The following TBC1D16 variants were observed in gnomAD, a reference collection of about 807,000 sequenced individuals.
TBC1D16 encodes TBC1 domain family member 16.
Under a neutral mutation model 74.7 loss-of-function variants are expected in TBC1D16, and 58 were observed. The ratio of observed to expected loss-of-function variants is 0.78; its 90% CI spans 0.63 to 0.97. The LOEUF is 0.97. TBC1D16 is among the 50% of genes least tolerant of loss of function. The pLI is 0.00. For missense variants in TBC1D16, 1,014 were observed against 1,079.5 expected, an observed-to-expected ratio of 0.94 and a Z score of 0.85; for synonymous variants, 493 against 474.7, an observed-to-expected ratio of 1.04 and a Z score of -0.50.
intron 8 of TBC1D16, among the ~76,000 whole-genome samples, chr17:79,948,308 G>A (rs954443563): frequency 1.2e-3 from 72 of 62,080 alleles, no homozygotes; most frequent in Non-Finnish European, 9.7e-4. Context: ...GCGAGACTCC[G>A]TCTCAAAAAA....
rs373453538 is a variant in TBC1D16 at position 79,972,322 on chromosome 17, G to A, written c.780-19504C>T. 3.9e-4 allele frequency among the ~76,000 whole-genome samples: 59 copies of A among 152,214 alleles called. 1 individual carries two copies. The East Asian group carries it at 8.7e-3, about 22-fold the overall frequency. Reference sequence around the variant, plus strand: ...CTCCTGAGTAGCTGGGATCACAGGCGTGTACTACCACACCTGGCTAATTTT... The same window carrying A: ...CTCCTGAGTAGCTGGGATCACAGGCATGTACTACCACACCTGGCTAATTTT... On this transcript the variant is annotated intron_variant, in intron 3 of 11. Coordinates refer to ENST00000310924, the MANE Select transcript of TBC1D16 (RefSeq NM_019020.4).
Position 79,995,581 on chromosome 17 carries a change from C to T in TBC1D16, c.779+14579G>A, listed in dbSNP as rs1446211305. 6.2e-5 allele frequency among the ~76,000 whole-genome samples: 9 copies of T among 145,294 alleles called. No individual in the cohort carries two copies. The East Asian group carries it at 8.3e-4, about 13-fold the overall frequency. On this transcript the variant is annotated intron_variant, in intron 3 of 11. Transcript: ENST00000310924. ...TGGGCAGATCACGAGGTCAGGAGAT[C>T]AAGATCATCCTGGCTAACACAGTGA...
In TBC1D16 at chr17:80,004,469, G is replaced by A. The variant is rs563995798; in HGVS notation, c.779+5691C>T. On this transcript the variant is annotated intron_variant, in intron 3 of 11. Coordinates refer to ENST00000310924, the MANE Select transcript of TBC1D16 (RefSeq NM_019020.4). ...CACAGACCTTCTGGGAAGTCAGATG[G>A]TGCCTCCTCCTCATATAAAAAAAAG... Among the ~76,000 whole-genome samples, 49 of 152,284 alleles carry A rather than the reference G, an allele frequency of 3.2e-4. No homozygotes were observed. The South Asian group carries it at 9.1e-3, about 28-fold the overall frequency.
intron 3 of TBC1D16, among the ~76,000 whole-genome samples, chr17:79,984,617 G>GGGGGAAGGAAGGA: frequency 1.1e-5 from 1 of 92,188 alleles, no homozygotes; most frequent in Admixed American, 1.1e-4. Flanking sequence ...GGGAGGGAGG[G>GGGGGAAGGAAGGA]AGTGAAGGAA....
intron 3 of TBC1D16, among the ~76,000 whole-genome samples, chr17:79,976,480 C>T (rs879261615): frequency 1.3e-5 from 2 of 152,230 alleles, no homozygotes; most frequent in African/African-American, 4.8e-5. Flanking sequence ...TGTGTTTACA[C>T]GCCTGAAACG....
chr17:79,995,255 G>A (rs991594213), intron 3 of TBC1D16, among the ~76,000 whole-genome samples: 2 of 151,410 alleles, frequency 1.3e-5, no homozygotes, highest in African/African-American at 4.9e-5. Context: ...AGCTGAGATC[G>A]CACCACGGCA....
Position 79,988,416 on chromosome 17 carries a change from T to C in TBC1D16, c.779+21744A>G, listed in dbSNP as rs1335617126. On this transcript the variant is annotated intron_variant, in intron 3 of 11. Coordinates refer to ENST00000310924, the MANE Select transcript of TBC1D16 (RefSeq NM_019020.4). This position sits in a 1 kb window ranked among gnomAD's most constrained non-coding sequence, Gnocchi z 5.7. ...TCCTTTTGTCGACTGTAGAGAGCTA[T>C]GAGTCAGGTCCAAGCTCCACTGGGC... Among the ~76,000 whole-genome samples, 2 of 152,352 alleles carry C rather than the reference T, an allele frequency of 1.3e-5. No homozygotes were observed. The highest frequency in any genetic ancestry group is 2.1e-4 in the South Asian group (1 of 4,830).
rs557403346 is a variant in TBC1D16 at position 80,000,322 on chromosome 17, G to A, written c.779+9838C>T. Among the ~76,000 whole-genome samples, 1 of 152,294 alleles carries A rather than the reference G, an allele frequency of 6.6e-6. No homozygotes were observed. The highest frequency in any genetic ancestry group is 2.4e-5 in the African/African-American group (1 of 41,552). ...TAAGATGAGGTCACCCTAGATTTGA[G>A]TAGGCCCTATCTAATGACTGGCATC... On this transcript the variant is annotated intron_variant, in intron 3 of 11. Transcript: ENST00000310924. The surrounding 1 kb of genome is among the most constrained non-coding windows in gnomAD (Gnocchi z 4.1).
In TBC1D16 at chr17:80,026,589, G is replaced by A. The variant is rs559303913; in HGVS notation, c.-63+9206C>T. 3.2e-4 allele frequency among the ~76,000 whole-genome samples: 48 copies of A among 150,060 alleles called. 3 individuals are homozygous for A. The South Asian group carries it at 9.0e-3, about 28-fold the overall frequency. ...GAGAACAGGCAGGCACTAGAGGCAG[G>A]CTGAACAGAGCAGAGTCAAAGACAA... On this transcript the variant is annotated intron_variant, in intron 1 of 11. Transcript: ENST00000310924.
rs145192925 is a variant in TBC1D16, at chr17:79,979,990, C to T, written c.780-27172G>A. Among the ~76,000 whole-genome samples the T allele has an allele frequency of 6.0e-3, 913 of 152,204 alleles. 16 individuals are homozygous for T. Among genetic ancestry groups the T allele is most frequent in the African/African-American group, 0.021 (884 of 41,534 alleles). On this transcript the variant is annotated intron_variant, in intron 3 of 11. Transcript: ENST00000310924. The surrounding 1 kb of genome is among the most constrained non-coding windows in gnomAD (Gnocchi z 4.8). Reference sequence around the variant, plus strand: ...AAGAAGCCCTCAGGCCTGCCCAACACGGCTGTGGGCACCGGTGCCTCCCCA... The same window carrying T: ...AAGAAGCCCTCAGGCCTGCCCAACATGGCTGTGGGCACCGGTGCCTCCCCA...
At chr17:79,942,521 AGGGTGG>A (rs2032114707) in intron 10 of TBC1D16, among the ~76,000 whole-genome samples, 1 of 19,504 alleles carries the variant, frequency 5.1e-5, no homozygotes, top group African/African-American at 2.0e-4. Context: ...TCTCCATGAC[AGGGTGG>A]GGGTGGGGGG....
At chr17:80,027,616 G>A (rs1294278240) in intron 1 of TBC1D16, among the ~76,000 whole-genome samples, 1 of 151,620 alleles carries the variant, frequency 6.6e-6, no homozygotes, top group African/African-American at 2.4e-5. Context: ...AAAGAGGCCG[G>A]GTGCAGTAGC....
Position 79,933,894 on chromosome 17 carries a change from G to C in TBC1D16, c.*6965C>G, listed in dbSNP as rs2031418649. 1 of 152,214 alleles carries C rather than the reference G, an allele frequency of 6.6e-6. No homozygotes were observed. The highest frequency in any genetic ancestry group is 2.4e-5 in the African/African-American group (1 of 41,434). 9.4% of individuals were successfully genotyped at this position (152,214 alleles called of 1,614,324 possible). A position where few individuals can be genotyped will look rare whatever the true frequency, so the allele number is the denominator to read the frequency against. Reference sequence around the variant, plus strand: ...CGTGGGATGAATGCATGAATGATGTGGAAGGAGCCAGAACAGGGCTGCAGA... The same window carrying C: ...CGTGGGATGAATGCATGAATGATGTCGAAGGAGCCAGAACAGGGCTGCAGA... On this transcript the variant is annotated 3_prime_UTR_variant, in exon 12 of 12. Coordinates refer to ENST00000310924, the MANE Select transcript of TBC1D16 (RefSeq NM_019020.4).
In TBC1D16 at chr17:79,941,955, G is replaced by A; in HGVS notation, c.2055+105C>T. 9.0e-7 allele frequency: 1 copy of A among 1,115,010 alleles called. No homozygotes were observed. Among genetic ancestry groups the A allele is most frequent in the South Asian group, 1.5e-5 (1 of 66,618 alleles). The allele number at this position is 1,115,010 out of a possible 1,614,324, so 69.1% of individuals were successfully genotyped here. A position where few individuals can be genotyped will look rare whatever the true frequency, so the allele number is the denominator to read the frequency against. On this transcript the variant is annotated intron_variant, in intron 11 of 11. Transcript: ENST00000310924. The surrounding 1 kb of genome is among the most constrained non-coding windows in gnomAD (Gnocchi z 4.3). ...GGCCATGGTGGGGATGGGGCTCTGG[G>A]GGCGGGGCCCACATCTGGGGCAGCC...
Position 79,981,732 on chromosome 17 carries a change from G to A in TBC1D16, c.779+28428C>T, listed in dbSNP as rs543506046. On this transcript the variant is annotated intron_variant, in intron 3 of 11. Transcript: ENST00000310924. This position sits in a 1 kb window ranked among gnomAD's most constrained non-coding sequence, Gnocchi z 6.9. ...GCGCCACCCTCGGAGCGGCTCCCTC[G>A]GCTCTTCTGTAATCTCAGCAAGAAC... 3.0e-4 allele frequency among the ~76,000 whole-genome samples: 45 copies of A among 152,312 alleles called. No individual in the cohort carries two copies. The highest frequency in any genetic ancestry group is 9.6e-4 in the African/African-American group (40 of 41,584).
chr17:80,026,668 G>A (rs2036592502), intron 1 of TBC1D16, among the ~76,000 whole-genome samples: 1 of 149,892 alleles, frequency 6.7e-6, no homozygotes, highest in African/African-American at 2.5e-5. Context: ...TTGTCTGATG[G>A]GAGAGTTTCC....
In TBC1D16 at chr17:79,940,952, G is replaced by A. The variant is rs767574860; in HGVS notation, c.2211C>T (p.Tyr737=). The change falls in exon 12 of 12, where the codon TAC becomes TAT. Residue 737 remains tyrosine (Y), a synonymous_variant. Coordinates refer to ENST00000310924, the MANE Select transcript of TBC1D16 (RefSeq NM_019020.4). This position sits in a 1 kb window ranked among gnomAD's most constrained non-coding sequence, Gnocchi z 5.4. ...GGGAAGGCATCTCCACCGTGCCCCC[G>A]TAGGGACAGCTCTCCGAGCCGGGAT... The part of the protein sequence containing the change: ...GHHPGSESCP[Y]GGTVEMPSPK... The A allele has an allele frequency of 2.1e-5, 33 of 1,602,652 alleles. No homozygotes were observed. The highest frequency in any genetic ancestry group is 5.1e-5 in the Admixed American group (3 of 59,120).
At position 79,975,899 on chromosome 17, in the gene TBC1D16, G is replaced by C. The variant is rs998686569; in HGVS notation, c.780-23081C>G. Among the ~76,000 whole-genome samples the C allele has an allele frequency of 6.6e-6, 1 of 152,170 alleles. No individual in the cohort carries two copies. The highest frequency in any genetic ancestry group is 1.5e-5 in the Non-Finnish European group (1 of 68,030). On this transcript the variant is annotated intron_variant, in intron 3 of 11. Coordinates refer to ENST00000310924, the MANE Select transcript of TBC1D16 (RefSeq NM_019020.4). This position sits in a 1 kb window ranked among gnomAD's most constrained non-coding sequence, Gnocchi z 4.5. ...GATGGCAGCAGCAGCTCCGGCAGGC[G>C]GCTCTCCAGGCCACGAGATGGGCAC...
chr17:79,968,670 A>C (rs7406763), intron 3 of TBC1D16, among the ~76,000 whole-genome samples: 2 of 151,542 alleles, frequency 1.3e-5, no homozygotes. Flanking sequence ...TGGCTAACAT[A>C]GTGAAATCTT....
Sources: gnomAD v4.1 joint callset for allele counts (sites outside exome capture counted in the v4.1 genomes callset) on GRCh38, gnomAD v4.1.1 for gene constraint, Gnocchi (gnomAD v3.1) non-coding constraint, MANE v1.5 for transcripts, NCBI Gene and HGNC (gene_info 2026-07-23, HGNC 2026-07-21) for gene names.